Variants in IGF2BP3 observed in about 807,000 individuals in gnomAD.
IGF2BP3 encodes insulin-like growth factor 2 mRNA-binding protein 3.
A neutral mutation model predicts 73.8 loss-of-function variants in IGF2BP3; 9 were observed. The ratio of observed to expected loss-of-function variants is 0.12; its 90% CI spans 0.07 to 0.21. IGF2BP3 has a LOEUF of 0.21. IGF2BP3 is among the 10% of genes least tolerant of loss of function. The pLI, the probability that IGF2BP3 is intolerant of heterozygous loss-of-function variation, is 1.00. For synonymous variants in IGF2BP3, 258 were observed against 256.7 expected, an observed-to-expected ratio of 1.01 and a Z score of -0.05; for missense variants, 542 against 714.0, an observed-to-expected ratio of 0.76 and a Z score of 2.75.
At chr7:23,347,547 A>C in intron 7 of IGF2BP3, 53 bp downstream of exon 7, 1 of 1,579,582 alleles carries the variant, frequency 6.3e-7, no homozygotes. Context: ...AGATGTCAAA[A>C]ATACAAGAGC....
intron 7 of IGF2BP3, 34 bp downstream of exon 7, chr7:23,347,563 TATC>T: frequency 6.3e-7 from 1 of 1,598,250 alleles, no homozygotes; most frequent in East Asian, 2.2e-5. Context: ...AGAGCACAAA[TATC>T]AACCTCTTTC....
At chr7:23,384,701 G>A (rs1443885777) in intron 3 of IGF2BP3, among the ~76,000 whole-genome samples, 1 of 152,006 alleles carries the variant, frequency 6.6e-6, no homozygotes, top group Non-Finnish European at 1.5e-5. Flanking sequence ...GACCAGCCTG[G>A]GCAACATGGC....
chr7:23,321,675 G>C (rs374956941), intron 10 of IGF2BP3, among the ~76,000 whole-genome samples: 19 of 152,202 alleles, frequency 1.2e-4, no homozygotes, highest in South Asian at 6.2e-4. Flanking sequence ...ATGTCCCTGT[G>C]TGACAGCTTT....
intron 3 of IGF2BP3, 122 bp from the exon 4 acceptor site, chr7:23,361,863 C>T: frequency 1.3e-6 from 1 of 752,552 alleles, no homozygotes; most frequent in Non-Finnish European, 2.2e-6. Flanking sequence ...TTATCTGGGG[C>T]TTTGGACTGC....
At chr7:23,314,184 A>AT (rs564895732) in intron 12 of IGF2BP3, among the ~76,000 whole-genome samples, 6,340 of 127,816 alleles carry the variant, frequency 0.05, 241 homozygotes, top group African/African-American at 0.1. Flanking sequence ...CACCTGACTT[A>AT]TTTTTTTTTT....
intron 3 of IGF2BP3, among the ~76,000 whole-genome samples, chr7:23,381,988 G>GCT (rs1785925997): frequency 6.6e-6 from 1 of 152,194 alleles, no homozygotes; most frequent in African/African-American, 2.4e-5. Context: ...TGGTGCAGTG[G>GCT]CTCACACCTG....
chr7:23,323,139 G>A (rs1784204502), intron 10 of IGF2BP3, among the ~76,000 whole-genome samples: 1 of 152,078 alleles, frequency 6.6e-6, no homozygotes, highest in South Asian at 2.1e-4. Context: ...ATTGGATAAA[G>A]AGTCAAGACC....
At chr7:23,315,423 T>C (rs1299154406) in intron 12 of IGF2BP3, among the ~76,000 whole-genome samples, 1 of 152,154 alleles carries the variant, frequency 6.6e-6, no homozygotes, top group Non-Finnish European at 1.5e-5. Flanking sequence ...ACTTCTGATA[T>C]TTAGAGTCAA....
chr7:23,351,567 C>G lies in IGF2BP3; in HGVS notation c.421G>C (p.Gly141Arg). The change falls in exon 6 of 15, where the codon GGA becomes CGA. Residue 141 changes from glycine to arginine, a missense_variant. Gly to Arg is a moderately radical substitution (Grantham distance 125, BLOSUM62 -2). Around this residue, in one of 2 missense-constraint regions of IGF2BP3, gnomAD observed 239 missense variants for 241.9 expected, o/e 0.99. Coordinates refer to ENST00000258729, the MANE Select transcript of IGF2BP3 (RefSeq NM_006547.3). ...QARQALDKLNGFQLENFTLKV... is the reference protein window; with the variant it reads ...QARQALDKLNRFQLENFTLKV... ...AAGGTGAAATTCTCTAACTGAAATCCATTCAGTTTGTCTAGTGCTCTGAAA... is the reference window on the plus strand; with the variant it reads ...AAGGTGAAATTCTCTAACTGAAATCGATTCAGTTTGTCTAGTGCTCTGAAA... The G allele has an allele frequency of 6.2e-7, 1 of 1,614,028 alleles. No homozygotes were observed. Among genetic ancestry groups the G allele is most frequent in the Non-Finnish European group, 8.5e-7 (1 of 1,179,992 alleles).
Position 23,343,724 on chromosome 7 carries a change from A to T in IGF2BP3, c.1071T>A (p.Ser357=). ...IRESYENDIA[S]MNLQAHLIPG... ...CCTTCATAACAAAACTAACATTCAT[A>T]GAAGCAATATCATTTTCATAAGACT... Residue 357 remains serine, a synonymous_variant, in exon 9 of 15, where the codon TCT becomes TCA. Transcript: ENST00000258729. The T allele has an allele frequency of 6.2e-7, 1 of 1,610,890 alleles. No homozygotes were observed. Among genetic ancestry groups the T allele is most frequent in the Non-Finnish European group, 8.5e-7 (1 of 1,179,032 alleles).
chr7:23,412,381 A>T (rs551630268), intron 3 of IGF2BP3, among the ~76,000 whole-genome samples: 4 of 152,344 alleles, frequency 2.6e-5, no homozygotes, highest in Middle Eastern at 6.8e-3. Flanking sequence ...CAGGAAAAAA[A>T]TCAAATATGC....
At chr7:23,366,134 C>A (rs17148069) in intron 3 of IGF2BP3, among the ~76,000 whole-genome samples, 1 of 151,542 alleles carries the variant, frequency 6.6e-6, no homozygotes, top group Non-Finnish European at 1.5e-5. Flanking sequence ...TGTCAACTTC[C>A]GTGTAAATCT....
intron 3 of IGF2BP3, chr7:23,396,515 AG>A: frequency 5.9e-6 from 1 of 168,958 alleles, no homozygotes; most frequent in East Asian, 1.6e-4. Flanking sequence ...AGTTTTCTGA[AG>A]AAAAAAAAAA....
At chr7:23,442,159 CT>C (rs1326861318) in intron 2 of IGF2BP3, among the ~76,000 whole-genome samples, 1 of 152,194 alleles carries the variant, frequency 6.6e-6, no homozygotes, top group East Asian at 1.9e-4. Flanking sequence ...TAATTTTTCT[CT>C]TTCAAAATTG....
chr7:23,408,983 G>A (rs1280520605), intron 3 of IGF2BP3, among the ~76,000 whole-genome samples: 3 of 151,986 alleles, frequency 2.0e-5, no homozygotes, highest in Non-Finnish European at 2.9e-5. Flanking sequence ...GGATGGGGGG[G>A]ATGGCTTCAG....
At chr7:23,380,745 G>A (rs975020851) in intron 3 of IGF2BP3, among the ~76,000 whole-genome samples, 3 of 152,116 alleles carry the variant, frequency 2.0e-5, no homozygotes, top group Non-Finnish European at 2.9e-5. Context: ...AAATTTGGAC[G>A]GACACACACA....
intron 2 of IGF2BP3, among the ~76,000 whole-genome samples, chr7:23,445,472 G>C (rs748695276): frequency 6.6e-6 from 1 of 151,824 alleles, no homozygotes; most frequent in Non-Finnish European, 1.5e-5. Flanking sequence ...TAGTTCCTAC[G>C]GGTGTTTCGT....
At chr7:23,368,524 A>G (rs890043389) in intron 3 of IGF2BP3, among the ~76,000 whole-genome samples, 9 of 152,208 alleles carry the variant, frequency 5.9e-5, no homozygotes, top group African/African-American at 1.7e-4. Flanking sequence ...GAGGAAAGTG[A>G]AAGTGGAGGG....
At chr7:23,368,573 C>G (rs1430660697) in intron 3 of IGF2BP3, among the ~76,000 whole-genome samples, 1 of 151,852 alleles carries the variant, frequency 6.6e-6, no homozygotes, top group Non-Finnish European at 1.5e-5. Flanking sequence ...ATGAAGGTGT[C>G]CTAAAAATGT....
Sources: allele counts gnomAD v4.1 joint callset (sites outside exome capture counted in the v4.1 genomes callset), GRCh38; gene constraint gnomAD v4.1.1; regional missense constraint gnomAD v4.1.1; transcripts MANE v1.5; gene names NCBI Gene and HGNC (gene_info 2026-07-23, HGNC 2026-07-21).